Variants in SMOC2 observed in about 807,000 individuals in gnomAD.
The protein encoded by SMOC2 is SPARC related modular calcium binding 2, also known as SPARC-related modular calcium-binding protein 2.
Under a neutral mutation model 61.4 loss-of-function variants are expected in SMOC2, and 39 were observed. The ratio of observed to expected loss-of-function variants is 0.64; its 90% CI spans 0.49 to 0.83. SMOC2 has a LOEUF of 0.83. Ranked by LOEUF, SMOC2 falls within the 40% of genes least tolerant of loss-of-function variation. The pLI is 0.00. For missense variants in SMOC2, 556 were observed against 592.9 expected (o/e 0.94, Z 0.65); for synonymous variants, 247 against 239.9 (o/e 1.03, Z -0.27).
rs572714570 is a variant in SMOC2 at position 168,619,240 on chromosome 6, C to G, written c.907+11001C>G. Among the ~76,000 whole-genome samples, 40 of 152,266 alleles carry G rather than the reference C, an allele frequency of 2.6e-4. 1 individual carries two copies. The South Asian group carries it at 8.3e-3, about 32-fold the overall frequency. ...CAGCAGGGAGCATTCTGAACGACAA[C>G]AGGACAGTCAGCTCTGGCCAGTTTA... On this transcript the variant is annotated intron_variant, in intron 9 of 12. Transcript: ENST00000356284.
chr6:168,630,602 A>G (rs1013674213), intron 9 of SMOC2, among the ~76,000 whole-genome samples: 3 of 152,248 alleles, frequency 2.0e-5, no homozygotes, highest in Non-Finnish European at 2.9e-5. Context: ...GATAACAGCA[A>G]TGTTCAGGGA....
At chr6:168,445,822 T>G (rs1781319962) in intron 1 of SMOC2, among the ~76,000 whole-genome samples, 1 of 152,192 alleles carries the variant, frequency 6.6e-6, no homozygotes, top group South Asian at 2.1e-4. Flanking sequence ...ATCACTTTAA[T>G]TTTGCTGTGA....
At chr6:168,567,904 A>G (rs147509413) in intron 7 of SMOC2, among the ~76,000 whole-genome samples, 4,709 of 136,596 alleles carry the variant, frequency 0.034, 258 homozygotes, top group African/African-American at 0.12. Flanking sequence ...AACTACAGGC[A>G]AAGACCGGAT....
At chr6:168,634,941 C>T (rs1225909036) in intron 9 of SMOC2, among the ~76,000 whole-genome samples, 1 of 152,194 alleles carries the variant, frequency 6.6e-6, no homozygotes, top group Non-Finnish European at 1.5e-5. Flanking sequence ...TCAAGGAATA[C>T]ATTACTTTCA....
At chr6:168,624,649 CACAG>C (rs1023916895) in intron 9 of SMOC2, among the ~76,000 whole-genome samples, 10 of 94,920 alleles carry the variant, frequency 1.1e-4, no homozygotes, top group Admixed American at 5.1e-4. Context: ...CAAATTCACA[CACAG>C]ACACAGACGC....
chr6:168,518,540 C>T (rs938246769), intron 2 of SMOC2, among the ~76,000 whole-genome samples: 7 of 147,430 alleles, frequency 4.7e-5, no homozygotes, highest in African/African-American at 1.8e-4. Flanking sequence ...TGTGTGAGAG[C>T]GTGTGTATGC....
At chr6:168,560,062 G>A (rs1380566851) in intron 7 of SMOC2, among the ~76,000 whole-genome samples, 1 of 152,214 alleles carries the variant, frequency 6.6e-6, no homozygotes, top group Non-Finnish European at 1.5e-5. Flanking sequence ...AACCACACAT[G>A]TACTTCATAA....
intron 8 of SMOC2, among the ~76,000 whole-genome samples, chr6:168,605,647 C>T (rs956962947): frequency 4.6e-5 from 7 of 152,084 alleles, no homozygotes; most frequent in African/African-American, 1.7e-4. Context: ...ACCGAAATGC[C>T]CGTCCAGGTG....
intron 9 of SMOC2, among the ~76,000 whole-genome samples, chr6:168,644,435 T>G (rs2115265058): frequency 6.6e-6 from 1 of 152,256 alleles, no homozygotes; most frequent in African/African-American, 2.4e-5. Flanking sequence ...TGGCACCCTC[T>G]TTCTCCCTCC....
chr6:168,589,825 G>T (rs1785132488), intron 7 of SMOC2, among the ~76,000 whole-genome samples: 1 of 36,312 alleles, frequency 2.8e-5, no homozygotes, highest in South Asian at 1.8e-3. Context: ...CGGTCTGGTG[G>T]TGGTCAGGTG....
chr6:168,622,137 T>C (rs1305787767), intron 9 of SMOC2, among the ~76,000 whole-genome samples: 1 of 152,056 alleles, frequency 6.6e-6, no homozygotes, highest in Non-Finnish European at 1.5e-5. Context: ...GGCTAATTTT[T>C]TTGTATTTTT....
chr6:168,609,813 A>T (rs1228296841), intron 9 of SMOC2, among the ~76,000 whole-genome samples: 2 of 151,898 alleles, frequency 1.3e-5, no homozygotes. Context: ...AAGATTCTTA[A>T]CTTATTTTTT....
At chr6:168,558,015 GC>G (rs1283142169) in intron 7 of SMOC2, among the ~76,000 whole-genome samples, 1 of 152,168 alleles carries the variant, frequency 6.6e-6, no homozygotes, top group Non-Finnish European at 1.5e-5. Flanking sequence ...CATCTCTGAG[GC>G]TGACAGTGTG....
chr6:168,602,832 T>C (rs1249696619), intron 8 of SMOC2, among the ~76,000 whole-genome samples: 1 of 152,146 alleles, frequency 6.6e-6, no homozygotes, highest in Non-Finnish European at 1.5e-5. Context: ...AGGGCCGAGA[T>C]GCTGGAGGCA....
intron 7 of SMOC2, among the ~76,000 whole-genome samples, chr6:168,577,648 G>C (rs374036650): frequency 2.0e-5 from 3 of 152,138 alleles, no homozygotes; most frequent in African/African-American, 7.2e-5. Context: ...ATCTGGTCCC[G>C]CAGCATCTCC....
chr6:168,528,069 A>G (rs1214631009), intron 4 of SMOC2, among the ~76,000 whole-genome samples: 6 of 152,222 alleles, frequency 3.9e-5, no homozygotes, highest in African/African-American at 1.4e-4. Flanking sequence ...AGTGGAAATG[A>G]CCAAATGTTT....
chr6:168,545,886 A>G (rs1783984406), intron 5 of SMOC2, among the ~76,000 whole-genome samples: 2 of 152,194 alleles, frequency 1.3e-5, no homozygotes, highest in South Asian at 4.1e-4. Flanking sequence ...TGTTTAAAAT[A>G]TGTTTCCCAT....
At chr6:168,662,794 G>C (rs1787540605) in intron 11 of SMOC2, among the ~76,000 whole-genome samples, 1 of 152,212 alleles carries the variant, frequency 6.6e-6, no homozygotes, top group Non-Finnish European at 1.5e-5. Context: ...TTTGGGTGTA[G>C]AGCCTGAGGG....
chr6:168,583,240 C>T (rs1036037809), intron 7 of SMOC2, among the ~76,000 whole-genome samples: 4 of 152,190 alleles, frequency 2.6e-5, no homozygotes, highest in Non-Finnish European at 5.9e-5. Context: ...CTGAGGAGCC[C>T]GTGCCTGGCT....
Sources: gnomAD v4.1 joint callset for allele counts (sites outside exome capture counted in the v4.1 genomes callset) on GRCh38, gnomAD v4.1.1 for gene constraint, MANE v1.5 for transcripts, NCBI Gene and HGNC (gene_info 2026-07-23, HGNC 2026-07-21) for gene names.